The following UCK2 variants were observed in gnomAD, a reference collection of about 807,000 sequenced individuals.
UCK2 encodes the protein cytidine monophosphokinase 2.
A neutral mutation model predicts 30.8 loss-of-function variants in UCK2; 6 were observed. The ratio of observed to expected loss-of-function variants is 0.19; its 90% CI spans 0.11 to 0.38. UCK2 has a LOEUF of 0.38. Ranked by LOEUF, UCK2 falls within the 10% of genes least tolerant of loss-of-function variation. The pLI is 1.00. For missense variants in UCK2, 210 were observed against 339.8 expected (o/e 0.62, Z 3.00); for synonymous variants, 125 against 133.6 (o/e 0.94, Z 0.45).
At chr1:165,841,307 C>G (rs529165465) in intron 1 of UCK2, among the ~76,000 whole-genome samples, 1 of 151,802 alleles carries the variant, frequency 6.6e-6, no homozygotes, top group Non-Finnish European at 1.5e-5. Context: ...CCTAAGCCTC[C>G]CGAGTAGCTG....
chr1:165,899,832 C>T (rs1434677725), intron 4 of UCK2, among the ~76,000 whole-genome samples: 2 of 152,154 alleles, frequency 1.3e-5, no homozygotes, highest in East Asian at 3.9e-4. Flanking sequence ...ACTGGCTGGC[C>T]CTCTGTTGTC....
At chr1:165,859,241 G>A (rs1448694669) in intron 1 of UCK2, among the ~76,000 whole-genome samples, 1 of 151,552 alleles carries the variant, frequency 6.6e-6, no homozygotes, top group Non-Finnish European at 1.5e-5. Context: ...TGGGAATGGA[G>A]GTTAACACCA....
chr1:165,866,134 A>G (rs1338810300), intron 1 of UCK2, among the ~76,000 whole-genome samples: 2 of 152,158 alleles, frequency 1.3e-5, no homozygotes, highest in African/African-American at 2.4e-5. Flanking sequence ...AGACTGGAGT[A>G]TAGGCTGTGC....
At chr1:165,882,160 C>G (rs906969232) in intron 1 of UCK2, among the ~76,000 whole-genome samples, 1 of 152,140 alleles carries the variant, frequency 6.6e-6, no homozygotes, top group Admixed American at 6.5e-5. Flanking sequence ...ATCTGGAGGT[C>G]GGCAGGTGAC....
chr1:165,852,541 C>T (rs902513359), intron 1 of UCK2, among the ~76,000 whole-genome samples: 2 of 152,074 alleles, frequency 1.3e-5, no homozygotes, highest in Non-Finnish European at 2.9e-5. Flanking sequence ...GTCAGAATGG[C>T]GATTATTAAA....
At chr1:165,865,920 C>CA (rs1655033988) in intron 1 of UCK2, among the ~76,000 whole-genome samples, 3 of 152,214 alleles carry the variant, frequency 2.0e-5, no homozygotes, top group South Asian at 4.1e-4. Flanking sequence ...CCAATGCTTA[C>CA]CACCTGCTAA....
At chr1:165,902,418 G>GA (rs1396185229) in intron 4 of UCK2, among the ~76,000 whole-genome samples, 2 of 133,990 alleles carry the variant, frequency 1.5e-5, no homozygotes, top group African/African-American at 2.8e-5. Flanking sequence ...TGTATTAAAA[G>GA]AAAAAAAAAT....
intron 1 of UCK2, among the ~76,000 whole-genome samples, chr1:165,866,323 C>T (rs1052491975): frequency 2.6e-5 from 4 of 152,130 alleles, no homozygotes; most frequent in African/African-American, 4.8e-5. Flanking sequence ...TCAGATGCTA[C>T]TTTTCACCAC....
chr1:165,845,845 C>A (rs1018856009), intron 1 of UCK2, among the ~76,000 whole-genome samples: 5 of 152,040 alleles, frequency 3.3e-5, no homozygotes, highest in African/African-American at 1.2e-4. Context: ...TTTTAAAATT[C>A]TTTTTAGAGA....
At chr1:165,883,372 C>T (rs920537559) in intron 1 of UCK2, among the ~76,000 whole-genome samples, 5 of 152,064 alleles carry the variant, frequency 3.3e-5, no homozygotes, top group South Asian at 2.1e-4. Context: ...TCCAGGAGTT[C>T]GAGGCTGCAG....
chr1:165,873,219 T>C (rs1288533926), intron 1 of UCK2, among the ~76,000 whole-genome samples: 3 of 152,144 alleles, frequency 2.0e-5, no homozygotes, highest in African/African-American at 7.2e-5. Context: ...AGATAGAGAA[T>C]AGCGAGATAC....
chr1:165,881,418 A>G (rs1655498956), intron 1 of UCK2, among the ~76,000 whole-genome samples: 1 of 152,028 alleles, frequency 6.6e-6, no homozygotes, highest in South Asian at 2.1e-4. Flanking sequence ...GTTACTTGGC[A>G]TGAGGGTAGA....
chr1:165,849,359 A>G (rs952515212), intron 1 of UCK2, among the ~76,000 whole-genome samples: 7 of 152,154 alleles, frequency 4.6e-5, no homozygotes, highest in Non-Finnish European at 8.8e-5. Flanking sequence ...GTCTCTATGT[A>G]GTGCTTGGCA....
At chr1:165,898,980 A>T (rs963336502) in intron 4 of UCK2, among the ~76,000 whole-genome samples, 7 of 152,196 alleles carry the variant, frequency 4.6e-5, no homozygotes, top group South Asian at 4.2e-4. Flanking sequence ...TTCTCTCTCC[A>T]CGTAGGACAA....
At chr1:165,884,298 C>G (rs1048831854) in intron 1 of UCK2, among the ~76,000 whole-genome samples, 2 of 152,210 alleles carry the variant, frequency 1.3e-5, no homozygotes, top group East Asian at 1.9e-4. Flanking sequence ...AACCTGGAGC[C>G]GATTGGCTGT....
chr1:165,832,896 T>C (rs969448112), intron 1 of UCK2, among the ~76,000 whole-genome samples: 6 of 152,250 alleles, frequency 3.9e-5, no homozygotes, highest in African/African-American at 7.2e-5. Flanking sequence ...CGGTTTTTTT[T>C]CTTAAAATCT....
intron 1 of UCK2, among the ~76,000 whole-genome samples, chr1:165,828,683 G>T (rs1158383788): frequency 6.6e-6 from 1 of 152,188 alleles, no homozygotes; most frequent in East Asian, 1.9e-4. Context: ...GGGGGTCATC[G>T]TATGGGTGTC....
At chr1:165,854,817 A>G (rs1478948189) in intron 1 of UCK2, among the ~76,000 whole-genome samples, 1 of 152,026 alleles carries the variant, frequency 6.6e-6, no homozygotes, top group East Asian at 1.9e-4. Context: ...ACTACCTTCC[A>G]TGCTTTATTC....
rs142462793 is a variant in UCK2 at position 165,905,947 on chromosome 1, C to T, written c.624C>T (p.Ile208=). Residue 208 remains isoleucine, a synonymous_variant, in exon 6 of 7, where the codon ATC becomes ATT. Transcript: ENST00000367879. ...LPTKKYADVI[I]PRGADNLVAI... is the part of the protein sequence containing the mutation. ...CAAAGAAGTATGCTGATGTGATCAT[C>T]CCTAGAGGTGCAGATAATCTGGGTG... 3 of 1,613,946 alleles carry T rather than the reference C, an allele frequency of 1.9e-6. No homozygotes were observed. Among genetic ancestry groups the T allele is most frequent in the South Asian group, 2.2e-5 (2 of 91,072 alleles).
Sources: allele counts gnomAD v4.1 joint callset (sites outside exome capture counted in the v4.1 genomes callset), GRCh38; gene constraint gnomAD v4.1.1; transcripts MANE v1.5; gene names NCBI Gene and HGNC (gene_info 2026-07-23, HGNC 2026-07-21).